TBL1XR1: variants seen among roughly 807,000 people sequenced by gnomAD.
The protein encoded by TBL1XR1 is F-box-like/WD repeat-containing protein TBL1XR1.
TBL1XR1 carries 5 observed loss-of-function variants against 66.9 expected under a neutral mutation model. That is an observed-to-expected ratio of 0.07 (90% CI 0.04 to 0.16). The LOEUF (loss-of-function observed/expected upper bound fraction) is 0.16, where lower values mean the gene tolerates loss of function less well. Ranked by LOEUF, TBL1XR1 falls within the 10% of genes least tolerant of loss-of-function variation. TBL1XR1 has a pLI of 1.00. For synonymous variants in TBL1XR1, 210 were observed against 206.0 expected (o/e 1.02, Z -0.17); for missense variants, 238 against 623.2 (o/e 0.38, Z 6.58).
chr3:177,071,380 T>A (rs1037253312), intron 2 of TBL1XR1, among the ~76,000 whole-genome samples: 2 of 152,034 alleles, frequency 1.3e-5, no homozygotes, highest in East Asian at 3.9e-4. Flanking sequence ...CACAGTAATG[T>A]TTATGAAACA....
rs1714433035 is a variant in TBL1XR1 at position 177,034,192 on chromosome 3, T to A, written c.1250+6A>T. ...CATAAAAGGAAAAATGAAACAGAAG[T>A]ATCACCTTGCTAACATAAGGTTGGC... On this transcript the variant is annotated splice_donor_region_variant and intron_variant, in intron 13 of 15. Coordinates refer to ENST00000457928, the MANE Select transcript of TBL1XR1 (RefSeq NM_024665.7). 4 of 1,602,540 alleles carry A rather than the reference T, an allele frequency of 2.5e-6. No individual in the cohort carries two copies. The highest frequency in any genetic ancestry group is 3.4e-6 in the Non-Finnish European group (4 of 1,177,118).
intron 2 of TBL1XR1, among the ~76,000 whole-genome samples, chr3:177,070,295 TAC>T (rs1199742019): frequency 2.0e-5 from 3 of 152,218 alleles, no homozygotes; most frequent in Non-Finnish European, 4.4e-5. Flanking sequence ...AGTGATTATT[TAC>T]ACAGATTATA....
intron 10 of TBL1XR1, among the ~76,000 whole-genome samples, chr3:177,041,921 G>A (rs2108453054): frequency 6.6e-6 from 1 of 152,238 alleles, no homozygotes; most frequent in East Asian, 1.9e-4. Context: ...CTACAACCCA[G>A]TCCCCACTGG....
chr3:177,152,697 A>G (rs2108858183), intron 1 of TBL1XR1, among the ~76,000 whole-genome samples: 1 of 152,248 alleles, frequency 6.6e-6, no homozygotes, highest in African/African-American at 2.4e-5. Context: ...ATTATTTTCT[A>G]TATAGATTTC....
intron 2 of TBL1XR1, among the ~76,000 whole-genome samples, chr3:177,089,603 C>T (rs1311425692): frequency 6.6e-6 from 1 of 152,150 alleles, no homozygotes; most frequent in Non-Finnish European, 1.5e-5. Flanking sequence ...GGGTTATAAT[C>T]AAGGGTCTGG....
chr3:177,188,479 G>A (rs766510012), intron 1 of TBL1XR1, among the ~76,000 whole-genome samples: 2 of 152,052 alleles, frequency 1.3e-5, no homozygotes, highest in Non-Finnish European at 2.9e-5. Flanking sequence ...CCTGGGAGGT[G>A]GAGGGTGCAG....
In TBL1XR1 at chr3:177,079,794, T is replaced by C. The variant is rs1279205145; in HGVS notation, c.-45-14772A>G. ...CTAATGAGGGTAGCAAATCACTTTA[T>C]GTGTTCATTTAAAAAAAAAAAAAAA... is the stretch of plus-strand genomic sequence containing the variant. On this transcript the variant is annotated intron_variant, in intron 2 of 15. Coordinates refer to ENST00000457928, the MANE Select transcript of TBL1XR1 (RefSeq NM_024665.7). The C allele has an allele frequency of 3.3e-5, 5 of 150,756 alleles. No individual in the cohort carries two copies. The East Asian group carries it at 9.7e-4, about 29-fold the overall frequency. 9.3% of individuals were successfully genotyped at this position (150,756 alleles called of 1,614,324 possible).
Position 177,022,251 on chromosome 3 carries a change from T to C in TBL1XR1, c.*3247A>G, listed in dbSNP as rs1712479087. On this transcript the variant is annotated 3_prime_UTR_variant, in exon 16 of 16. Transcript: ENST00000457928. ...CTAGTGATTACTTTTTGCACCATAA[T>C]TTGTTTTTTACACCACAAAAGGAGG... The C allele has an allele frequency of 2.0e-5, 3 of 152,522 alleles. No homozygotes were observed. Among genetic ancestry groups the C allele is most frequent in the Non-Finnish European group, 4.4e-5 (3 of 67,976 alleles). 9.4% of individuals were successfully genotyped at this position (152,522 alleles called of 1,614,324 possible). A position where few individuals can be genotyped will look rare whatever the true frequency, so the allele number is the denominator to read the frequency against.
At chr3:177,087,956 G>T (rs1284037121) in intron 2 of TBL1XR1, among the ~76,000 whole-genome samples, 1 of 151,962 alleles carries the variant, frequency 6.6e-6, no homozygotes, top group Non-Finnish European at 1.5e-5. Flanking sequence ...TCAGTGATAG[G>T]ACACCTTTTG....
At chr3:177,032,225 A>G (rs982707682) in intron 14 of TBL1XR1, 10 of 152,222 alleles carry the variant, frequency 6.6e-5, no homozygotes, top group African/African-American at 2.4e-4. Context: ...CTCAGTGTAT[A>G]CCTTTATACA....
chr3:177,134,555 A>C (rs974358038), intron 1 of TBL1XR1, among the ~76,000 whole-genome samples: 8 of 152,180 alleles, frequency 5.3e-5, no homozygotes, highest in African/African-American at 1.9e-4. Context: ...CAGTACTACA[A>C]TTTCCTGAAA....
chr3:177,148,176 A>G (rs1730472889), intron 1 of TBL1XR1, among the ~76,000 whole-genome samples: 1 of 152,258 alleles, frequency 6.6e-6, no homozygotes, highest in South Asian at 2.1e-4. Flanking sequence ...CAAACTTTTT[A>G]TAAATTGTAG....
upstream of TBL1XR1, among the ~76,000 whole-genome samples, chr3:177,198,232 A>C (rs1737180567): frequency 6.6e-6 from 1 of 152,208 alleles, no homozygotes; most frequent in Non-Finnish European, 1.5e-5. Flanking sequence ...CACACAAGAA[A>C]AGGTTTTTGA....
intron 1 of TBL1XR1, chr3:177,163,925 A>G (rs1732518052): frequency 6.6e-6 from 1 of 152,242 alleles, no homozygotes; most frequent in Admixed American, 6.5e-5. Context: ...ATTAAACAGT[A>G]AAAACTCAGT....
At chr3:177,070,221 A>G (rs1303685804) in intron 2 of TBL1XR1, among the ~76,000 whole-genome samples, 1 of 152,190 alleles carries the variant, frequency 6.6e-6, no homozygotes, top group Admixed American at 6.5e-5. Flanking sequence ...TTTATACCCA[A>G]AAGACCTCTG....
At chr3:177,186,882 T>G (rs1735477835) in intron 1 of TBL1XR1, among the ~76,000 whole-genome samples, 1 of 151,768 alleles carries the variant, frequency 6.6e-6, no homozygotes, top group Non-Finnish European at 1.5e-5. Flanking sequence ...AAGTCAGGAG[T>G]TCGGCCAGGC....
chr3:177,189,994 G>A (rs565312818), intron 1 of TBL1XR1, among the ~76,000 whole-genome samples: 90 of 151,926 alleles, frequency 5.9e-4, no homozygotes, highest in African/African-American at 2.0e-3. Context: ...CTAGCTGGGC[G>A]TGTAAGCGGA....
chr3:177,062,546 GT>G (rs1308401029), intron 3 of TBL1XR1, among the ~76,000 whole-genome samples: 2 of 152,184 alleles, frequency 1.3e-5, no homozygotes, highest in Non-Finnish European at 2.9e-5. Flanking sequence ...AATGTCATCA[GT>G]TGAGTCTGAT....
intron 1 of TBL1XR1, among the ~76,000 whole-genome samples, chr3:177,114,263 T>A (rs747322561): frequency 3.3e-5 from 5 of 151,128 alleles, no homozygotes; most frequent in Non-Finnish European, 7.4e-5. Flanking sequence ...ATATATATAA[T>A]CATATATATA....
Sources: gnomAD v4.1 joint callset for allele counts (sites outside exome capture counted in the v4.1 genomes callset) on GRCh38, gnomAD v4.1.1 for gene constraint, MANE v1.5 for transcripts, NCBI Gene and HGNC (gene_info 2026-07-23, HGNC 2026-07-21) for gene names.